The following HDAC8 variants were observed in gnomAD, a reference collection of about 807,000 sequenced individuals.
The protein encoded by HDAC8 is histone deacetylase 8, also known as histone deacetylase-like 1.
HDAC8 carries 1 observed loss-of-function variant against 32.2 expected under a neutral mutation model. The ratio of observed to expected loss-of-function variants is 0.03; its 90% CI spans 0.01 to 0.15. The LOEUF (loss-of-function observed/expected upper bound fraction) is 0.15, where lower values mean the gene tolerates loss of function less well. Ranked by LOEUF, HDAC8 falls within the 10% of genes least tolerant of loss-of-function variation. The pLI is 1.00. For missense variants in HDAC8, 117 were observed against 300.0 expected (o/e 0.39, Z 4.51); for synonymous variants, 108 against 113.9 (o/e 0.95, Z 0.33).
intron 9 of HDAC8, among the ~76,000 whole-genome samples, chrX:72,357,142 G>C (rs1215887212): frequency 3.7e-5 from 4 of 109,154 alleles, no homozygotes; most frequent in Admixed American, 1.0e-4. Context: ...GAATAAGGAA[G>C]AGGGGAATGG....
intron 9 of HDAC8, 106 bp downstream of exon 9, chrX:72,461,898 G>A: frequency 1.9e-6 from 1 of 538,299 alleles, no homozygotes; most frequent in Admixed American, 2.7e-5. Flanking sequence ...TTATTGAAGT[G>A]TCTCTCAACA....
At chrX:72,469,504 T>C (rs1043322179) in intron 7 of HDAC8, among the ~76,000 whole-genome samples, 24 of 112,425 alleles carry the variant, frequency 2.1e-4, no homozygotes, top group African/African-American at 7.1e-4. Context: ...TTCTGGAGAA[T>C]ATGATTAGTC....
chrX:72,398,302 T>C (rs1403349209), intron 9 of HDAC8, among the ~76,000 whole-genome samples: 5 of 111,310 alleles, frequency 4.5e-5, no homozygotes, highest in Admixed American at 1.9e-4. Context: ...ATCTTTTACT[T>C]GCTTTTCTTC....
chrX:72,511,470 T>C (rs2049582359), intron 4 of HDAC8, among the ~76,000 whole-genome samples: 2 of 111,630 alleles, frequency 1.8e-5, no homozygotes, highest in African/African-American at 6.5e-5. Flanking sequence ...TTAATACATA[T>C]GTATTTGTAT....
Position 72,329,649 on chromosome X carries a change from C to A in HDAC8, c.*405G>T. 1 of 1,180,343 alleles carries A rather than the reference C, an allele frequency of 8.5e-7. No individual in the cohort carries two copies. Among genetic ancestry groups the A allele is most frequent in the Non-Finnish European group, 1.1e-6 (1 of 879,175 alleles). ...GGCTCCACCTGGATGGTCCTGAGGC[C>A]CAAACCCTGCCTGTCAGCTGCCTCC... is the stretch of plus-strand genomic sequence containing the variant. On this transcript the variant is annotated 3_prime_UTR_variant, in exon 11 of 11. Coordinates refer to ENST00000373573, the MANE Select transcript of HDAC8 (RefSeq NM_018486.3).
At chrX:72,335,253 T>G (rs1454438202) in intron 10 of HDAC8, among the ~76,000 whole-genome samples, 3 of 112,010 alleles carry the variant, frequency 2.7e-5, no homozygotes, top group African/African-American at 9.7e-5. Flanking sequence ...GTTCTATGAG[T>G]TTTGAAAAGT....
rs534541429 is a variant in HDAC8, at chrX:72,450,464, G to T, written c.1005+11540C>A. Among the ~76,000 whole-genome samples the T allele has an allele frequency of 1.7e-3, 196 of 112,006 alleles. 1 individual carries two copies. Among genetic ancestry groups the T allele is most frequent in the Middle Eastern group, 9.3e-3 (2 of 216 alleles). The stretch of plus-strand genomic sequence containing the variant: ...CTGCTGTACCAATGTCAATTTCCTG[G>T]TTTTTTTACTGCAGTATAGTCATGT... On this transcript the variant is annotated intron_variant, in intron 9 of 10. Coordinates refer to ENST00000373573, the MANE Select transcript of HDAC8 (RefSeq NM_018486.3).
At chrX:72,464,269 C>T in intron 8 of HDAC8, among the ~76,000 whole-genome samples, 1 of 111,944 alleles carries the variant, frequency 8.9e-6, no homozygotes, top group Middle Eastern at 4.6e-3. Flanking sequence ...GGTTAACATC[C>T]TCTATTTTTA....
chrX:72,458,662 A>T lies in HDAC8; in HGVS notation c.1005+3342T>A, dbSNP rs782809594. Reference sequence around the variant, plus strand: ...TTCAACTAGGTGGTGGCTACTTAACACTCAGCTAAGCACTAGGGTTGGGGG... The same window carrying T: ...TTCAACTAGGTGGTGGCTACTTAACTCTCAGCTAAGCACTAGGGTTGGGGG... On this transcript the variant is annotated intron_variant, in intron 9 of 10. Coordinates refer to ENST00000373573, the MANE Select transcript of HDAC8 (RefSeq NM_018486.3). Among the ~76,000 whole-genome samples the T allele has an allele frequency of 1.4e-4, 16 of 111,913 alleles. No homozygotes were observed. The East Asian group carries it at 4.5e-3, about 31-fold the overall frequency.
intron 4 of HDAC8, among the ~76,000 whole-genome samples, chrX:72,550,937 A>G (rs1429336983): frequency 1.8e-5 from 2 of 111,322 alleles, no homozygotes; most frequent in Non-Finnish European, 3.8e-5. Flanking sequence ...TCCTTTAAAT[A>G]CCAGAATCTA....
At chrX:72,476,471 T>C (rs1417513093) in intron 7 of HDAC8, among the ~76,000 whole-genome samples, 1 of 111,563 alleles carries the variant, frequency 9.0e-6, no homozygotes, top group Non-Finnish European at 1.9e-5. Flanking sequence ...CCAGGACTGC[T>C]CATAGTGTAG....
chrX:72,559,125 G>A (rs1384937842), intron 4 of HDAC8, among the ~76,000 whole-genome samples: 1 of 88,796 alleles, frequency 1.1e-5, no homozygotes, highest in Admixed American at 1.3e-4. Flanking sequence ...ATGCCGAGCC[G>A]AAGCTGGACT....
At chrX:72,567,763 T>C in intron 4 of HDAC8, 126 bp downstream of exon 4, 1 of 1,211,551 alleles carries the variant, frequency 8.3e-7, no homozygotes, top group Non-Finnish European at 1.1e-6. Context: ...TTCTTCAGAA[T>C]GCCTTGTAAA....
At chrX:72,352,287 G>A (rs2044204940) in intron 9 of HDAC8, among the ~76,000 whole-genome samples, 1 of 111,241 alleles carries the variant, frequency 9.0e-6, no homozygotes, top group Non-Finnish European at 1.9e-5. Context: ...CAGCTCAAAT[G>A]TCACCTCCTT....
At chrX:72,416,469 A>T (rs2046346034) in intron 9 of HDAC8, among the ~76,000 whole-genome samples, 2 of 29,334 alleles carry the variant, frequency 6.8e-5, no homozygotes, top group African/African-American at 1.3e-4. Context: ...GAGATTTGTA[A>T]ATTTTTTTCA....
intron 10 of HDAC8, among the ~76,000 whole-genome samples, chrX:72,345,920 G>A (rs1287572835): frequency 1.8e-5 from 2 of 111,593 alleles, no homozygotes; most frequent in African/African-American, 6.5e-5. Flanking sequence ...CTCGGCTCAA[G>A]CAATCCACCT....
intron 9 of HDAC8, among the ~76,000 whole-genome samples, chrX:72,367,606 C>T (rs1340027514): frequency 8.9e-6 from 1 of 112,585 alleles, no homozygotes; most frequent in Non-Finnish European, 1.9e-5. Context: ...AACAGATTAG[C>T]AAAGGCATAC....
chrX:72,378,385 T>C (rs1163996760), intron 9 of HDAC8, among the ~76,000 whole-genome samples: 1 of 111,566 alleles, frequency 9.0e-6, no homozygotes, highest in African/African-American at 3.3e-5. Context: ...TTTGCCTCTT[T>C]GCATGTGCCT....
intron 9 of HDAC8, among the ~76,000 whole-genome samples, chrX:72,451,738 T>C (rs1555987490): frequency 1.8e-5 from 2 of 112,986 alleles, no homozygotes; most frequent in African/African-American, 3.2e-5. Flanking sequence ...GAGGGCGAGA[T>C]TACTTTCTCT....
Sources: gnomAD v4.1 joint callset for allele counts (sites outside exome capture counted in the v4.1 genomes callset) on GRCh38, gnomAD v4.1.1 for gene constraint, MANE v1.5 for transcripts, NCBI Gene and HGNC (gene_info 2026-07-23, HGNC 2026-07-21) for gene names.